PIEZO1: variants seen among roughly 807,000 people sequenced by gnomAD.
PIEZO1 encodes the protein piezo type mechanosensitive ion channel component 1 (Er blood group).
A neutral mutation model predicts 297.2 loss-of-function variants in PIEZO1; 296 were observed. The observed-to-expected ratio is 1.00, with a 90% CI of 0.91 to 1.10. The LOEUF is 1.10. Among genes scored for constraint, PIEZO1 ranks in the 50% least tolerant of loss-of-function variants. The pLI is 0.00. For missense variants in PIEZO1, 5,018 were observed against 3,455.5 expected (o/e 1.45, Z -11.34); for synonymous variants, 2,427 against 1,507.5 (o/e 1.61, Z -14.13).
In PIEZO1 at chr16:88,738,214, G is replaced by C; in HGVS notation, c.848+13C>G. 3 of 1,534,848 alleles carry C rather than the reference G, an allele frequency of 2.0e-6. No homozygotes were observed. Among genetic ancestry groups the C allele is most frequent in the Non-Finnish European group, 2.6e-6 (3 of 1,146,002 alleles). On this transcript the variant is annotated intron_variant, in intron 7 of 50. Transcript: ENST00000301015. Reference sequence around the variant, plus strand: ...GGGTGGCAGGAAAAAGGGGCTGTGTGGCAAGCCGTTACCTAGCCCAGATGC... The same window carrying C: ...GGGTGGCAGGAAAAAGGGGCTGTGTCGCAAGCCGTTACCTAGCCCAGATGC...
chr16:88,722,885 G>A lies in PIEZO1; in HGVS notation c.4620C>T (p.Ser1540=), dbSNP rs1904291873. 8.4e-6 allele frequency: 13 copies of A among 1,548,838 alleles called. No individual in the cohort carries two copies. The highest frequency in any genetic ancestry group is 1.7e-4 in the Middle Eastern group (1 of 5,922). Residue 1540 remains serine, a synonymous_variant, in exon 34 of 51, where the codon AGC becomes AGT. Transcript: ENST00000301015. ...GGTAGCGCTCTGCCCGCAGCACGTC[G>A]CTCATGGTGCCGTGGTGCCGGGTGA... The part of the protein sequence containing the change: ...QEFTRHHGTM[S]DVLRAERYLL...
intron 44 of PIEZO1, chr16:88,718,239 G>A (rs1052016627): frequency 6.5e-6 from 1 of 154,318 alleles, no homozygotes; most frequent in African/African-American, 2.4e-5. Context: ...AAAAGACATA[G>A]TAACAGGTTG....
chr16:88,749,105 T>TG (rs1173973232), intron 2 of PIEZO1, among the ~76,000 whole-genome samples: 1 of 150,784 alleles, frequency 6.6e-6, no homozygotes, highest in Non-Finnish European at 1.5e-5. Context: ...CCAGGCGTGG[T>TG]GGCGGGCGCC....
At chr16:88,732,187 G>C in intron 21 of PIEZO1, 148 bp downstream of exon 21, 2 of 666,010 alleles carry the variant, frequency 3.0e-6, no homozygotes, top group Non-Finnish European at 5.2e-6. Context: ...AGGAGTCCAG[G>C]GAAGCCGTGC....
intron 2 of PIEZO1, chr16:88,745,376 C>T (rs919293405): frequency 6.6e-6 from 1 of 152,246 alleles, no homozygotes; most frequent in Non-Finnish European, 1.5e-5. Context: ...CGCTGCCTGC[C>T]GGAGGGAGCC....
At chr16:88,725,990 TG>T (rs1904396116) in intron 27 of PIEZO1, 2 of 566,214 alleles carry the variant, frequency 3.5e-6, no homozygotes, top group Non-Finnish European at 6.3e-6. Flanking sequence ...CACCACACAG[TG>T]GCCCTCCCGC....
chr16:88,764,958 C>T (rs532008157), intron 1 of PIEZO1, among the ~76,000 whole-genome samples: 30 of 152,264 alleles, frequency 2.0e-4, no homozygotes, highest in Non-Finnish European at 2.1e-4. Context: ...GAAAACCTCC[C>T]GGTAGCCGCC....
rs757372748 is a variant in PIEZO1, at chr16:88,782,927, GC to G, written c.64+1973del. Among the ~76,000 whole-genome samples the G allele has an allele frequency of 3.8e-4, 58 of 152,348 alleles. No individual in the cohort carries two copies. The Middle Eastern group carries it at 0.01, about 27-fold the overall frequency. On this transcript the variant is annotated intron_variant, in intron 1 of 50. Coordinates refer to ENST00000301015, the MANE Select transcript of PIEZO1 (RefSeq NM_001142864.4). ...AGAGAAAACACTGAGTGAGGCCCAG[GC>G]CCCACGCCCCATCCCCAGACACAGA...
At chr16:88,751,513 G>C (rs972861049) in intron 1 of PIEZO1, among the ~76,000 whole-genome samples, 2 of 152,118 alleles carry the variant, frequency 1.3e-5, no homozygotes, top group African/African-American at 2.4e-5. Flanking sequence ...GCCGGGCTCC[G>C]GGGGGCACCG....
intron 5 of PIEZO1, chr16:88,739,572 G>T (rs1567677160): frequency 6.6e-6 from 1 of 152,324 alleles, no homozygotes; most frequent in Non-Finnish European, 1.5e-5. Context: ...GACAGTCTCC[G>T]TGCTCTGCAG....
At chr16:88,745,149 G>C (rs909287350) in intron 2 of PIEZO1, 1 of 130,256 alleles carries the variant, frequency 7.7e-6, no homozygotes, top group African/African-American at 2.9e-5. Flanking sequence ...GGCCACCTCC[G>C]CAGGGACCCA....
intron 1 of PIEZO1, among the ~76,000 whole-genome samples, chr16:88,766,484 C>T (rs534829130): frequency 1.3e-5 from 2 of 152,210 alleles, no homozygotes; most frequent in African/African-American, 4.8e-5. Flanking sequence ...CTGGTGTGGC[C>T]GAGGCCTGGG....
chr16:88,767,934 C>G (rs1040511991), intron 1 of PIEZO1, among the ~76,000 whole-genome samples: 1 of 152,200 alleles, frequency 6.6e-6, no homozygotes, highest in Admixed American at 6.5e-5. Context: ...CCTGACAGCA[C>G]GAGACTCACG....
intron 1 of PIEZO1, among the ~76,000 whole-genome samples, chr16:88,779,297 C>T (rs972773052): frequency 3.9e-5 from 6 of 152,160 alleles, no homozygotes; most frequent in African/African-American, 1.4e-4. Flanking sequence ...CCTCGGCTTC[C>T]CAAAGTGCTG....
At chr16:88,776,657 G>T (rs756774229) in intron 1 of PIEZO1, among the ~76,000 whole-genome samples, 4 of 152,212 alleles carry the variant, frequency 2.6e-5, no homozygotes, top group Admixed American at 6.5e-5. Flanking sequence ...GAGGGAACTG[G>T]GGGGCCACAC....
chr16:88,724,036 G>A (rs1312646327), intron 30 of PIEZO1, 65 bp from the exon 31 acceptor site: 19 of 973,996 alleles, frequency 2.0e-5, no homozygotes, highest in Non-Finnish European at 2.2e-5. Flanking sequence ...GACCCCCTCC[G>A]CCTGCATGGG....
chr16:88,720,330 G>A (rs1047333576), intron 41 of PIEZO1, 47 bp from the exon 42 acceptor site: 1 of 1,550,078 alleles, frequency 6.5e-7, no homozygotes, highest in Non-Finnish European at 8.7e-7. Flanking sequence ...CCCAGGGGAT[G>A]TGGGTGGCTG....
At chr16:88,733,084 A>G (rs1326675373) in intron 19 of PIEZO1, 194 bp downstream of exon 19, 4 of 608,564 alleles carry the variant, frequency 6.6e-6, no homozygotes, top group Middle Eastern at 4.4e-4. Context: ...CCTTGTGTGC[A>G]GGGAGTGCGC....
intron 23 of PIEZO1, 107 bp from the exon 24 acceptor site, chr16:88,727,299 G>C (rs1904518863): frequency 7.8e-7 from 1 of 1,282,920 alleles, no homozygotes; most frequent in Non-Finnish European, 1.0e-6. Flanking sequence ...GCAGCCGCTG[G>C]GAGCGGACAC....
Sources: allele counts gnomAD v4.1 joint callset (sites outside exome capture counted in the v4.1 genomes callset), GRCh38; gene constraint gnomAD v4.1.1; transcripts MANE v1.5; gene names NCBI Gene and HGNC (gene_info 2026-07-23, HGNC 2026-07-21).